ST8SIA4: variants seen among roughly 807,000 people sequenced by gnomAD.
ST8SIA4 encodes the protein ST8 alpha-N-acetyl-neuraminide alpha-2,8-sialyltransferase 4, also known as CMP-N-acetylneuraminate-poly-alpha-2,8-sialyltransferase.
ST8SIA4 carries 15 observed loss-of-function variants against 33.9 expected under a neutral mutation model. The ratio of observed to expected loss-of-function variants is 0.44; its 90% CI spans 0.30 to 0.68. The LOEUF (loss-of-function observed/expected upper bound fraction) is 0.68, where lower values mean the gene tolerates loss of function less well. ST8SIA4 is among the 30% of genes least tolerant of loss of function. The pLI is 0.10. For synonymous variants in ST8SIA4, 171 were observed against 151.2 expected (o/e 1.13, Z -0.96); for missense variants, 321 against 428.0 (o/e 0.75, Z 2.21).
At chr5:100,848,387 TTG>T (rs1230022233) in intron 4 of ST8SIA4, among the ~76,000 whole-genome samples, 1 of 150,378 alleles carries the variant, frequency 6.6e-6, no homozygotes, top group Admixed American at 6.7e-5. Context: ...AAATACATAT[TTG>T]TATATTTTAT....
At chr5:100,838,286 C>A (rs1049531246) in intron 4 of ST8SIA4, among the ~76,000 whole-genome samples, 13 of 151,918 alleles carry the variant, frequency 8.6e-5, no homozygotes, top group Non-Finnish European at 1.5e-4. Context: ...TCTCATGATA[C>A]TTAGATGTTG....
chr5:100,843,863 T>C (rs551480396), intron 4 of ST8SIA4, among the ~76,000 whole-genome samples: 7 of 151,954 alleles, frequency 4.6e-5, no homozygotes, highest in African/African-American at 7.2e-5. Context: ...TATTTGCCCC[T>C]AAGAATGAAT....
chr5:100,882,306 C>T (rs555243959), intron 3 of ST8SIA4, among the ~76,000 whole-genome samples: 50 of 152,216 alleles, frequency 3.3e-4, no homozygotes, highest in African/African-American at 1.2e-3. Flanking sequence ...TTTGCCCCTG[C>T]CCTAGAGATT....
intron 3 of ST8SIA4, among the ~76,000 whole-genome samples, chr5:100,879,056 A>G (rs925399097): frequency 4.6e-5 from 7 of 152,240 alleles, no homozygotes; most frequent in Admixed American, 4.6e-4. Context: ...TTTGGAAAGT[A>G]GTAAAAATAT....
chr5:100,883,647 G>A (rs1237355931), intron 3 of ST8SIA4, among the ~76,000 whole-genome samples: 1 of 152,132 alleles, frequency 6.6e-6, no homozygotes, highest in Non-Finnish European at 1.5e-5. Flanking sequence ...TGTTGTGGGA[G>A]GGACCAGTGG....
At chr5:100,884,793 C>T (rs1216345322) in intron 3 of ST8SIA4, among the ~76,000 whole-genome samples, 2 of 152,124 alleles carry the variant, frequency 1.3e-5, no homozygotes, top group African/African-American at 2.4e-5. Context: ...TGCCATCAGG[C>T]CTCTCTCATT....
chr5:100,848,889 A>G (rs1042993683), intron 4 of ST8SIA4, among the ~76,000 whole-genome samples: 14 of 150,164 alleles, frequency 9.3e-5, no homozygotes, highest in Non-Finnish European at 1.9e-4. Flanking sequence ...ATGTGTAACT[A>G]TGTGTGTCTA....
At chr5:100,841,946 G>A (rs1351937883) in intron 4 of ST8SIA4, among the ~76,000 whole-genome samples, 1 of 151,806 alleles carries the variant, frequency 6.6e-6, no homozygotes, top group Non-Finnish European at 1.5e-5. Flanking sequence ...TTTGTTGCTT[G>A]AGGAAGCCCC....
rs779631458 is a variant in ST8SIA4 at position 100,902,828 on chromosome 5, A to T, written c.113+15T>A. On this transcript the variant is annotated intron_variant, in intron 1 of 4. Coordinates refer to ENST00000231461, the MANE Select transcript of ST8SIA4 (RefSeq NM_005668.6). Reference sequence around the variant, plus strand: ...TGACTTTTTGTCATATCCTGAAATGAAGCTTTGCATTTACCCGATGAGTTG... The same window carrying T: ...TGACTTTTTGTCATATCCTGAAATGTAGCTTTGCATTTACCCGATGAGTTG... 1 of 1,596,908 alleles carries T rather than the reference A, an allele frequency of 6.3e-7. No homozygotes were observed. The highest frequency in any genetic ancestry group is 1.1e-5 in the South Asian group (1 of 90,708).
At chr5:100,839,883 A>T (rs2112422857) in intron 4 of ST8SIA4, among the ~76,000 whole-genome samples, 1 of 152,000 alleles carries the variant, frequency 6.6e-6, no homozygotes, top group Non-Finnish European at 1.5e-5. Context: ...TTTTGAGCAG[A>T]TGAGACTCTG....
rs774048679 is a variant in ST8SIA4, at chr5:100,812,021, G to C, written c.906C>G (p.Pro302=). The change falls in exon 5 of 5, where the codon CCC becomes CCG. Residue 302 remains proline (P), a synonymous_variant. Transcript: ENST00000231461. Reference sequence around the variant, plus strand: ...CTTTTCCATTTAAATCCTTAGGGAAGGGCCAGAATCCATACAGGTGAATTT... The same window carrying C: ...CTTTTCCATTTAAATCCTTAGGGAACGGCCAGAATCCATACAGGTGAATTT... ...CDEIHLYGFW[P]FPKDLNGKAV... 9 of 1,613,938 alleles carry C rather than the reference G, an allele frequency of 5.6e-6. No homozygotes were observed. Among genetic ancestry groups the C allele is most frequent in the Non-Finnish European group, 7.6e-6 (9 of 1,179,996 alleles).
Position 100,895,720 on chromosome 5 carries a change from C to T in ST8SIA4, c.179G>A (p.Gly60Asp). Residue 60 changes from glycine to aspartate, a missense_variant, in exon 2 of 5, where the codon GGC becomes GAC. Gly to Asp is a moderately conservative substitution (Grantham distance 94). Coordinates refer to ENST00000231461, the MANE Select transcript of ST8SIA4 (RefSeq NM_005668.6). Reference protein sequence around the residue: ...NSSDKIIRKAGSSIFQHNVEG... With the variant: ...NSSDKIIRKADSSIFQHNVEG... ...TACATTGTGCTGGAAGATTGAAGAGCCAGCCTTTCGAATGATTTTATCAGA... is the reference window on the plus strand; with the variant it reads ...TACATTGTGCTGGAAGATTGAAGAGTCAGCCTTTCGAATGATTTTATCAGA... The T allele has an allele frequency of 5.6e-6, 9 of 1,612,846 alleles. No individual in the cohort carries two copies. The highest frequency in any genetic ancestry group is 7.6e-6 in the Non-Finnish European group (9 of 1,179,136).
intron 3 of ST8SIA4, among the ~76,000 whole-genome samples, chr5:100,870,950 T>C (rs148132085): frequency 1.3e-5 from 2 of 152,224 alleles, no homozygotes; most frequent in South Asian, 4.1e-4. Flanking sequence ...GTAGCAAATA[T>C]TAGATAAGCA....
intron 2 of ST8SIA4, among the ~76,000 whole-genome samples, chr5:100,894,146 T>A: frequency 6.6e-6 from 1 of 152,108 alleles, no homozygotes; most frequent in East Asian, 1.9e-4. Flanking sequence ...GCTCCAGGTA[T>A]GAAAATGTCA....
intron 2 of ST8SIA4, among the ~76,000 whole-genome samples, chr5:100,892,207 G>GA (rs1222312685): frequency 2.6e-5 from 4 of 151,944 alleles, no homozygotes; most frequent in Admixed American, 2.6e-4. Flanking sequence ...TCCAAATATG[G>GA]AAAAAAAGTC....
intron 4 of ST8SIA4, chr5:100,816,692 TAAGCAAAG>T: frequency 4.4e-6 from 2 of 450,822 alleles, no homozygotes; most frequent in South Asian, 3.5e-5. Flanking sequence ...TGTTATATTA[TAAGCAAAG>T]TTTCCATTAA....
In ST8SIA4 at chr5:100,895,860, A is replaced by G. The variant is rs868570946; in HGVS notation, c.114-75T>C. The G allele has an allele frequency of 2.1e-5, 31 of 1,456,590 alleles. 2 individuals carry two copies. In the Middle Eastern group the frequency reaches 5.2e-3, roughly 244 times the overall value. 90.2% of individuals were successfully genotyped at this position (1,456,590 alleles called of 1,614,324 possible). ...GTATACAGCACAGTACATAATTTGA[A>G]TTAATTACTGGTGATGAATTTTAGA... On this transcript the variant is annotated intron_variant, in intron 1 of 4. Transcript: ENST00000231461.
At chr5:100,830,273 C>A (rs1168297190) in intron 4 of ST8SIA4, among the ~76,000 whole-genome samples, 1 of 152,184 alleles carries the variant, frequency 6.6e-6, no homozygotes, top group African/African-American at 2.4e-5. Flanking sequence ...CCTAGTGTTA[C>A]CACTTACTAT....
chr5:100,836,817 G>T (rs1751372086), intron 4 of ST8SIA4, among the ~76,000 whole-genome samples: 1 of 151,716 alleles, frequency 6.6e-6, no homozygotes. Flanking sequence ...CTGAAACTTG[G>T]AAAAAAATAA....
Sources: gnomAD v4.1 joint callset for allele counts (sites outside exome capture counted in the v4.1 genomes callset) on GRCh38, gnomAD v4.1.1 for gene constraint, MANE v1.5 for transcripts, NCBI Gene and HGNC (gene_info 2026-07-23, HGNC 2026-07-21) for gene names.